The following SOHLH2 variants were observed in gnomAD, a reference collection of about 807,000 sequenced individuals.
SOHLH2 encodes spermatogenesis and oogenesis specific basic helix-loop-helix 2, also known as spermatogenesis- and oogenesis-specific basic helix-loop-helix-containing protein 2.
Under a neutral mutation model 50.4 loss-of-function variants are expected in SOHLH2, and 22 were observed. The ratio of observed to expected loss-of-function variants is 0.44; its 90% confidence interval spans 0.31 to 0.62. SOHLH2 has a LOEUF of 0.62. SOHLH2 is among the 20% of genes least tolerant of loss of function. The probability of loss-of-function intolerance (pLI) is 0.08; values close to 1 mark genes in which losing one functional copy is unlikely to be tolerated. For missense variants in SOHLH2, 412 were observed against 504.4 expected (o/e 0.82, Z 1.76); for synonymous variants, 185 against 187.3 (o/e 0.99, Z 0.10).
chr13:36,178,177 AGAT>A (rs1473784086), intron 6 of SOHLH2, among the ~76,000 whole-genome samples: 2 of 152,108 alleles, frequency 1.3e-5, no homozygotes, highest in East Asian at 1.9e-4. Context: ...CTACTGTATG[AGAT>A]GATGAAGATA....
chr13:36,178,171 T>C (rs979704936), intron 6 of SOHLH2, among the ~76,000 whole-genome samples: 4 of 152,086 alleles, frequency 2.6e-5, no homozygotes, highest in African/African-American at 7.2e-5. Context: ...TAGTGGCTAC[T>C]GTATGAGATG....
chr13:36,170,010 T>C (rs1465873427), intron 10 of SOHLH2, among the ~76,000 whole-genome samples: 1 of 152,192 alleles, frequency 6.6e-6, no homozygotes. Flanking sequence ...ACATTCTTAG[T>C]ACAATGACAA....
At chr13:36,207,096 C>T (rs1003079892) in intron 1 of SOHLH2, among the ~76,000 whole-genome samples, 3 of 151,788 alleles carry the variant, frequency 2.0e-5, no homozygotes, top group South Asian at 2.1e-4. Flanking sequence ...TTGTAAATAG[C>T]TTTTAATTGA....
chr13:36,194,414 A>C (rs1887663008), intron 2 of SOHLH2, among the ~76,000 whole-genome samples: 1 of 152,170 alleles, frequency 6.6e-6, no homozygotes, highest in South Asian at 2.1e-4. Context: ...CTGAGTCCTC[A>C]CCTTAGAGAG....
At chr13:36,184,224 A>T (rs1257817429) in intron 6 of SOHLH2, among the ~76,000 whole-genome samples, 1 of 152,002 alleles carries the variant, frequency 6.6e-6, no homozygotes, top group East Asian at 1.9e-4. Context: ...CATTCAAGTT[A>T]AGTTATACAC....
At chr13:36,179,200 C>G (rs181390974) in intron 6 of SOHLH2, among the ~76,000 whole-genome samples, 32 of 152,254 alleles carry the variant, frequency 2.1e-4, no homozygotes, top group African/African-American at 6.3e-4. Flanking sequence ...TTTTAAGGAG[C>G]AGTCAACATG....
At chr13:36,198,430 T>C (rs1887800890) in intron 2 of SOHLH2, among the ~76,000 whole-genome samples, 1 of 152,212 alleles carries the variant, frequency 6.6e-6, no homozygotes, top group Admixed American at 6.5e-5. Context: ...ATCCCTGGAA[T>C]TCTGGAGCTA....
intron 1 of SOHLH2, among the ~76,000 whole-genome samples, chr13:36,206,932 T>C (rs764435808): frequency 6.6e-6 from 1 of 151,636 alleles, no homozygotes; most frequent in Non-Finnish European, 1.5e-5. Flanking sequence ...TTAGTGTATA[T>C]ATATAGATGA....
intron 6 of SOHLH2, among the ~76,000 whole-genome samples, chr13:36,189,627 C>G (rs180671926): frequency 2.1e-3 from 326 of 152,274 alleles, no homozygotes; most frequent in African/African-American, 7.3e-3. Flanking sequence ...ATTTTGTGTT[C>G]TCATCATGAC....
chr13:36,177,219 T>C (rs561264789), intron 6 of SOHLH2, among the ~76,000 whole-genome samples: 14 of 152,270 alleles, frequency 9.2e-5, no homozygotes, highest in African/African-American at 3.4e-4. Flanking sequence ...TTAATGTTTC[T>C]GGGATTTATC....
chr13:36,190,706 T>C (rs1887549513), intron 5 of SOHLH2, among the ~76,000 whole-genome samples: 1 of 152,140 alleles, frequency 6.6e-6, no homozygotes. Flanking sequence ...AAAAAGCACA[T>C]GCATACTATG....
intron 9 of SOHLH2, among the ~76,000 whole-genome samples, chr13:36,172,589 A>G (rs560342032): frequency 2.6e-5 from 4 of 152,328 alleles, no homozygotes; most frequent in Non-Finnish European, 5.9e-5. Context: ...CAGCACTTAC[A>G]AGACTGTCTG....
intron 6 of SOHLH2, among the ~76,000 whole-genome samples, chr13:36,181,591 G>A (rs1374837399): frequency 1.3e-5 from 2 of 152,136 alleles, no homozygotes; most frequent in Non-Finnish European, 2.9e-5. Context: ...AACTGCAGAA[G>A]TTATGCAAGT....
intron 6 of SOHLH2, among the ~76,000 whole-genome samples, chr13:36,178,787 T>C (rs1048281667): frequency 6.6e-6 from 1 of 151,828 alleles, no homozygotes; most frequent in Non-Finnish European, 1.5e-5. Flanking sequence ...CTTTTCATAG[T>C]AACATTTTGA....
intron 2 of SOHLH2, among the ~76,000 whole-genome samples, chr13:36,196,215 T>TC (rs1887725121): frequency 6.7e-6 from 1 of 148,928 alleles, no homozygotes; most frequent in South Asian, 2.2e-4. Flanking sequence ...AGCCTCACCC[T>TC]CCCAAGCTCA....
chr13:36,192,497 CA>C (rs1434121038), intron 4 of SOHLH2, among the ~76,000 whole-genome samples: 2 of 152,166 alleles, frequency 1.3e-5, no homozygotes, highest in African/African-American at 4.8e-5. Flanking sequence ...ATGTCACAAA[CA>C]GACTCACTCA....
chr13:36,170,754 C>A lies in SOHLH2; in HGVS notation c.1034G>T (p.Gly345Val), dbSNP rs201071207. The change falls in exon 10 of 11, where the codon GGT (glycine) becomes GTT (valine). Residue 345 changes from glycine to valine, a missense_variant. Transcript: ENST00000379881. ...PSSSASENAIGDPYKTHISSA... is the reference protein window; with the variant it reads ...PSSSASENAIVDPYKTHISSA... The stretch of plus-strand genomic sequence containing the variant: ...GGAAATGTGAGTTTTATATGGATCA[C>A]CAATAGCATTCTCTGAGGCGGAGCT... 1 of 1,614,014 alleles carries A rather than the reference C, an allele frequency of 6.2e-7. No homozygotes were observed.
At chr13:36,170,902 C>T in intron 9 of SOHLH2, 115 bp from the exon 10 acceptor site, 1 of 1,460,586 alleles carries the variant, frequency 6.8e-7, no homozygotes, top group Non-Finnish European at 9.1e-7. Flanking sequence ...CAAATCTGTA[C>T]TACCTGCTAC....
intron 1 of SOHLH2, among the ~76,000 whole-genome samples, chr13:36,208,989 T>C (rs1165115470): frequency 6.6e-6 from 1 of 152,212 alleles, no homozygotes; most frequent in Non-Finnish European, 1.5e-5. Flanking sequence ...TGTTTAAGTA[T>C]ATATCTTATT....
Sources: allele counts gnomAD v4.1 joint callset (sites outside exome capture counted in the v4.1 genomes callset), GRCh38; gene constraint gnomAD v4.1.1; transcripts MANE v1.5; gene names NCBI Gene and HGNC (gene_info 2026-07-23, HGNC 2026-07-21).